Variants in ITSN1 observed in about 807,000 individuals in gnomAD.
ITSN1 encodes the protein intersectin-1.
In ITSN1, 58 loss-of-function variants were observed where a neutral mutation model predicts 239.8. That is an observed-to-expected ratio of 0.24 (90% confidence interval 0.20 to 0.30). ITSN1 has a LOEUF of 0.30. Among genes scored for constraint, ITSN1 ranks in the 10% least tolerant of loss-of-function variants. The pLI, the probability that ITSN1 is intolerant of heterozygous loss-of-function variation, is 1.00. For synonymous variants in ITSN1, 780 were observed against 770.8 expected (o/e 1.01, Z -0.20); for missense variants, 1,558 against 2,103.3 (o/e 0.74, Z 5.07).
rs2074656972 is a variant in ITSN1 at position 33,837,356 on chromosome 21, A to G, written c.3661+724A>G. On this transcript the variant is annotated intron_variant, in intron 29 of 39. Coordinates refer to ENST00000381318, the MANE Select transcript of ITSN1 (RefSeq NM_003024.3). ...AATATATATTTTAGCTTTTTAATAA[A>G]CAAAATAAATAAATGACTTCTTTGC... The G allele has an allele frequency of 4.0e-6, 4 of 1,001,132 alleles. No individual in the cohort carries two copies. The East Asian group carries it at 3.5e-4, about 89-fold the overall frequency. 62.0% of individuals were successfully genotyped at this position (1,001,132 alleles called of 1,614,324 possible).
chr21:33,888,248 C>T lies in ITSN1; in HGVS notation c.5114C>T (p.Pro1705Leu), dbSNP rs769542325. 2.5e-6 allele frequency: 4 copies of T among 1,614,116 alleles called. No homozygotes were observed. The East Asian group carries it at 6.7e-5, about 27-fold the overall frequency. Residue 1705 changes from proline to leucine, a missense_variant, in exon 40 of 40, where the codon CCC (proline) becomes CTC (leucine). Physicochemically the swap from Pro to Leu is moderately conservative, Grantham distance 98. Around this residue, in one of 2 missense-constraint regions of ITSN1, gnomAD observed 576 missense variants for 893.3 expected, o/e 0.64. Coordinates refer to ENST00000381318, the MANE Select transcript of ITSN1 (RefSeq NM_003024.3). ...AAGTGTCTTCTGCTGCACGAAGTCC[C>T]CACGGGAGAGATTGTGGTCCGCTTG... is the stretch of plus-strand genomic sequence containing the variant. ...VTKCLLLHEV[P>L]TGEIVVRLDL...
intron 34 of ITSN1, among the ~76,000 whole-genome samples, chr21:33,878,478 A>G (rs940596428): frequency 6.6e-6 from 1 of 152,140 alleles, no homozygotes; most frequent in Non-Finnish European, 1.5e-5. Context: ...GCATGTATGC[A>G]CACACATACA....
chr21:33,716,750 G>C (rs989132302), intron 1 of ITSN1, among the ~76,000 whole-genome samples: 2 of 150,602 alleles, frequency 1.3e-5, no homozygotes, highest in African/African-American at 4.9e-5. Flanking sequence ...TCAGGAGTTC[G>C]AGACCAGCCT....
At chr21:33,754,202 C>T (rs558895325) in intron 7 of ITSN1, 3 of 151,906 alleles carry the variant, frequency 2.0e-5, no homozygotes, top group African/African-American at 4.8e-5. Context: ...TGCAGAAGTA[C>T]CCACAGCAGA....
intron 29 of ITSN1, among the ~76,000 whole-genome samples, chr21:33,838,721 TA>T (rs1443966563): frequency 6.6e-6 from 1 of 151,566 alleles, no homozygotes; most frequent in African/African-American, 2.4e-5. Flanking sequence ...TCATTCCTTA[TA>T]ATACCAGTTT....
chr21:33,877,765 C>G (rs1318306279), intron 34 of ITSN1, among the ~76,000 whole-genome samples: 1 of 151,906 alleles, frequency 6.6e-6, no homozygotes, highest in Non-Finnish European at 1.5e-5. Flanking sequence ...CGGTGATCTT[C>G]CAAGGTTCCT....
chr21:33,762,440 A>G (rs569954459), intron 9 of ITSN1, among the ~76,000 whole-genome samples: 3 of 149,484 alleles, frequency 2.0e-5, no homozygotes, highest in East Asian at 2.0e-4. Context: ...CTAATTTTGA[A>G]TTTTTAGTAG....
chr21:33,881,945 CAAAAAA>C (rs370697945), intron 34 of ITSN1, among the ~76,000 whole-genome samples: 38 of 88,422 alleles, frequency 4.3e-4, no homozygotes, highest in Admixed American at 3.1e-3. Flanking sequence ...GACCCTGTCT[CAAAAAA>C]AAAAAAAAAA....
chr21:33,819,954 A>G (rs2073558692), intron 24 of ITSN1, among the ~76,000 whole-genome samples: 2 of 152,260 alleles, frequency 1.3e-5, no homozygotes, highest in South Asian at 2.1e-4. Flanking sequence ...TGCAGTCCGC[A>G]GTCCGGCCTG....
intron 1 of ITSN1, among the ~76,000 whole-genome samples, chr21:33,713,828 CTTTTTTTTTTTTT>C (rs35226795): frequency 3.4e-5 from 3 of 89,378 alleles, no homozygotes; most frequent in Non-Finnish European, 5.8e-5. Context: ...CCAGCCTCAT[CTTTTTTTTTTTTT>C]TTTTTTTTTT....
intron 1 of ITSN1, among the ~76,000 whole-genome samples, chr21:33,677,458 A>G (rs984975011): frequency 3.3e-5 from 5 of 151,536 alleles, no homozygotes; most frequent in African/African-American, 9.7e-5. Flanking sequence ...TCTTGCCTCA[A>G]CCTCCCGAGT....
Position 33,772,384 on chromosome 21 carries a change from T to C in ITSN1, c.1305+61T>C, listed in dbSNP as rs1188394799. The C allele has an allele frequency of 2.0e-6, 3 of 1,524,704 alleles. No individual in the cohort carries two copies. The African/African-American group carries it at 4.2e-5, about 21-fold the overall frequency. The allele number at this position is 1,524,704 out of a possible 1,614,324, so 94.4% of individuals were successfully genotyped here. On this transcript the variant is annotated intron_variant, in intron 12 of 39. Transcript: ENST00000381318. ...GTGCGATCACCCCTTTTCAGAATTATCCAAGTGATCTATTCACGCCATCTT... is the reference window on the plus strand; with the variant it reads ...GTGCGATCACCCCTTTTCAGAATTACCCAAGTGATCTATTCACGCCATCTT...
At chr21:33,881,974 A>C (rs910290408) in intron 34 of ITSN1, among the ~76,000 whole-genome samples, 16 of 151,886 alleles carry the variant, frequency 1.1e-4, no homozygotes, top group Non-Finnish European at 2.1e-4. Context: ...GAAAAGAAAA[A>C]ACACACCAGT....
At chr21:33,773,301 C>T (rs974683707) in intron 12 of ITSN1, among the ~76,000 whole-genome samples, 2 of 152,144 alleles carry the variant, frequency 1.3e-5, no homozygotes, top group Non-Finnish European at 2.9e-5. Context: ...AGCCACCGCG[C>T]CTGGCCCATG....
In ITSN1 at chr21:33,826,243, G is replaced by A. The variant is rs9653712; in HGVS notation, c.3184-575G>A. On this transcript the variant is annotated intron_variant, in intron 25 of 39. Transcript: ENST00000381318. ...TAAACTCTGTGAAATTGGGTGGAAA[G>A]GCCACACAGGACAGCCACTGCCTCT... Among the ~76,000 whole-genome samples, 708 of 152,302 alleles carry A rather than the reference G, an allele frequency of 4.6e-3. 6 individuals are homozygous for A. The highest frequency in any genetic ancestry group is 7.4e-3 in the Non-Finnish European group (501 of 68,012).
At position 33,797,691 on chromosome 21, in the gene ITSN1, A is replaced by G; in HGVS notation, c.2182+83A>G. 1 of 1,044,490 alleles carries G rather than the reference A, an allele frequency of 9.6e-7. No homozygotes were observed. Among genetic ancestry groups the G allele is most frequent in the Non-Finnish European group, 1.4e-6 (1 of 700,086 alleles). 64.7% of individuals were successfully genotyped at this position (1,044,490 alleles called of 1,614,324 possible). ...TGAAAAATGCCCCTATCTCATCAGT[A>G]CCTGTCTTGGCTACATTAACAGATG... is the stretch of plus-strand genomic sequence containing the variant. On this transcript the variant is annotated intron_variant, in intron 18 of 39. Transcript: ENST00000381318. The surrounding 1 kb of genome is among the most constrained non-coding windows in gnomAD (Gnocchi z 4.9).
chr21:33,712,102 G>A (rs2092434430), intron 1 of ITSN1, among the ~76,000 whole-genome samples: 1 of 152,106 alleles, frequency 6.6e-6, no homozygotes, highest in South Asian at 2.1e-4. Context: ...TTGCCTCATG[G>A]AAAGTAGGTG....
Position 33,882,541 on chromosome 21 carries a change from G to C in ITSN1, c.4554+86G>C. On this transcript the variant is annotated intron_variant, in intron 35 of 39. Coordinates refer to ENST00000381318, the MANE Select transcript of ITSN1 (RefSeq NM_003024.3). This position sits in a 1 kb window ranked among gnomAD's most constrained non-coding sequence, Gnocchi z 4.5. Reference sequence around the variant, plus strand: ...CCAAAAAGGAGGTAGAGTTTTAGCAGGGTCAGGGGCTGTGGCATGCAGGAG... The same window carrying C: ...CCAAAAAGGAGGTAGAGTTTTAGCACGGTCAGGGGCTGTGGCATGCAGGAG... 8.6e-7 allele frequency: 1 copy of C among 1,166,902 alleles called. No homozygotes were observed. The highest frequency in any genetic ancestry group is 1.4e-5 in the South Asian group (1 of 70,384). 72.3% of individuals were successfully genotyped at this position (1,166,902 alleles called of 1,614,324 possible). A position where few individuals can be genotyped will look rare whatever the true frequency, so the allele number is the denominator to read the frequency against.
intron 30 of ITSN1, 72 bp from the exon 31 acceptor site, chr21:33,858,614 G>A: frequency 2.1e-6 from 2 of 941,078 alleles, no homozygotes; most frequent in Non-Finnish European, 3.4e-6. Flanking sequence ...CCTGCTCTCA[G>A]CGGATCGGCG....
Sources: allele counts gnomAD v4.1 joint callset (sites outside exome capture counted in the v4.1 genomes callset), GRCh38; gene constraint gnomAD v4.1.1; regional missense constraint gnomAD v4.1.1; non-coding constraint Gnocchi (gnomAD v3.1); transcripts MANE v1.5; gene names NCBI Gene and HGNC (gene_info 2026-07-23, HGNC 2026-07-21).